The following CNTN5 variants were observed in gnomAD, a reference collection of about 807,000 sequenced individuals.
CNTN5 encodes contactin-5.
Under a neutral mutation model 129.1 loss-of-function variants are expected in CNTN5, and 77 were observed. The ratio of observed to expected loss-of-function variants is 0.60; its 90% CI spans 0.50 to 0.72. CNTN5 has a LOEUF of 0.72. Among genes scored for constraint, CNTN5 ranks in the 30% least tolerant of loss-of-function variants. The pLI is 0.00. For missense variants in CNTN5, 1,478 were observed against 1,328.8 expected (o/e 1.11, Z -1.75); for synonymous variants, 509 against 465.6 (o/e 1.09, Z -1.20).
chr11:99,574,989 G>T (rs1949297908), intron 3 of CNTN5, among the ~76,000 whole-genome samples: 1 of 152,114 alleles, frequency 6.6e-6, no homozygotes, highest in Non-Finnish European at 1.5e-5. Context: ...CTATATACTA[G>T]TTTCAACTTT....
chr11:100,291,914 T>A (rs978483880), intron 18 of CNTN5, among the ~76,000 whole-genome samples: 2 of 151,874 alleles, frequency 1.3e-5, no homozygotes, highest in Non-Finnish European at 2.9e-5. Flanking sequence ...AAAAGGTTTT[T>A]TCTTCTCCCG....
rs147706414 is a variant in CNTN5 at position 99,506,983 on chromosome 11, T to G, written c.-70-49162T>G. 3.1e-3 allele frequency among the ~76,000 whole-genome samples: 466 copies of G among 152,330 alleles called. 2 individuals carry two copies. The highest frequency in any genetic ancestry group is 6.8e-3 in the Middle Eastern group (2 of 292). Reference sequence around the variant, plus strand: ...TTTTATGAAAAAGCAGAATTTGACATCTAACATATGAAATGATCTAAATCA... The same window carrying G: ...TTTTATGAAAAAGCAGAATTTGACAGCTAACATATGAAATGATCTAAATCA... On this transcript the variant is annotated intron_variant, in intron 2 of 24. Coordinates refer to ENST00000524871, the MANE Select transcript of CNTN5 (RefSeq NM_014361.4).
chr11:99,730,683 TACATA>T (rs1229128418), intron 3 of CNTN5, among the ~76,000 whole-genome samples: 1 of 140,956 alleles, frequency 7.1e-6, no homozygotes, highest in African/African-American at 2.5e-5. Flanking sequence ...ATTTTACTAA[TACATA>T]ACATTTCTAC....
At chr11:99,828,130 A>G (rs1018833548) in intron 4 of CNTN5, among the ~76,000 whole-genome samples, 4 of 152,210 alleles carry the variant, frequency 2.6e-5, no homozygotes, top group African/African-American at 9.6e-5. Flanking sequence ...TAATAGTTAT[A>G]TAGATCTTCA....
chr11:99,443,533 C>T (rs908621193), intron 2 of CNTN5, among the ~76,000 whole-genome samples: 2 of 152,166 alleles, frequency 1.3e-5, no homozygotes, highest in African/African-American at 2.4e-5. Context: ...AAAATGCAAA[C>T]TGATGTCACT....
At chr11:99,322,208 T>TC (rs1187073329) in intron 1 of CNTN5, among the ~76,000 whole-genome samples, 1 of 152,098 alleles carries the variant, frequency 6.6e-6, no homozygotes. Context: ...GTGAGGCCTT[T>TC]CCCCCAGCTT....
At chr11:99,866,827 T>C (rs1948369064) in intron 6 of CNTN5, among the ~76,000 whole-genome samples, 1 of 152,232 alleles carries the variant, frequency 6.6e-6, no homozygotes. Context: ...TTGTGGTCAT[T>C]TCTCTTCACT....
At chr11:99,583,766 TGC>T (rs1333855093) in intron 3 of CNTN5, among the ~76,000 whole-genome samples, 1 of 152,200 alleles carries the variant, frequency 6.6e-6, no homozygotes, top group African/African-American at 2.4e-5. Context: ...TGACCCCTTG[TGC>T]TTCCCGGGTG....
chr11:99,865,270 G>A (rs1948324438), intron 6 of CNTN5, among the ~76,000 whole-genome samples: 1 of 151,972 alleles, frequency 6.6e-6, no homozygotes, highest in Non-Finnish European at 1.5e-5. Context: ...ATAAATGTCT[G>A]AAAGTTTGGG....
At chr11:99,246,516 C>G (rs1861823693) in intron 1 of CNTN5, among the ~76,000 whole-genome samples, 1 of 152,126 alleles carries the variant, frequency 6.6e-6, no homozygotes, top group Non-Finnish European at 1.5e-5. Context: ...GTCACAAGTT[C>G]CTAGGTTGCA....
chr11:100,093,467 A>G (rs986532422), intron 13 of CNTN5, among the ~76,000 whole-genome samples: 3 of 151,510 alleles, frequency 2.0e-5, no homozygotes, highest in African/African-American at 7.3e-5. Context: ...AGGTCTTGCT[A>G]TGTTTCTCAA....
chr11:99,934,312 A>G (rs1227962221), intron 7 of CNTN5, among the ~76,000 whole-genome samples: 1 of 152,196 alleles, frequency 6.6e-6, no homozygotes, highest in Admixed American at 6.5e-5. Context: ...GAGTTCAGCT[A>G]TATCTTTACA....
At chr11:99,195,421 T>C (rs1378550556) in intron 1 of CNTN5, among the ~76,000 whole-genome samples, 1 of 152,160 alleles carries the variant, frequency 6.6e-6, no homozygotes, top group Non-Finnish European at 1.5e-5. Flanking sequence ...GCGTCCTCTT[T>C]ATTTTTCAAA....
rs111555597 is a variant in CNTN5, at chr11:99,515,147, A to G, written c.-70-40998A>G. 1.2e-3 allele frequency among the ~76,000 whole-genome samples: 176 copies of G among 152,206 alleles called. 1 individual carries two copies. The highest frequency in any genetic ancestry group is 4.0e-3 in the African/African-American group (168 of 41,562). On this transcript the variant is annotated intron_variant, in intron 2 of 24. Coordinates refer to ENST00000524871, the MANE Select transcript of CNTN5 (RefSeq NM_014361.4). Reference sequence around the variant, plus strand: ...TAAAAGCTCTGTTGGTTCAGTATGTATATTTATACATATTTGTTGAAGAAA... The same window carrying G: ...TAAAAGCTCTGTTGGTTCAGTATGTGTATTTATACATATTTGTTGAAGAAA...
intron 3 of CNTN5, among the ~76,000 whole-genome samples, chr11:99,677,699 GTTTAT>G (rs1953353043): frequency 1.3e-5 from 2 of 151,748 alleles, no homozygotes; most frequent in African/African-American, 2.4e-5. Flanking sequence ...GTTCAAAACT[GTTTAT>G]TTTATTCTAC....
chr11:99,113,354 A>T lies in CNTN5; in HGVS notation c.-210+92084A>T, dbSNP rs537114137. Reference sequence around the variant, plus strand: ...TTATATGAGTTGTCTTGAAAGCAGGACCTAAGTTAACATCTTGAGTGTGGG... The same window carrying T: ...TTATATGAGTTGTCTTGAAAGCAGGTCCTAAGTTAACATCTTGAGTGTGGG... On this transcript the variant is annotated intron_variant, in intron 1 of 24. Transcript: ENST00000524871. Among the ~76,000 whole-genome samples the T allele has an allele frequency of 2.0e-5, 3 of 152,214 alleles. No individual in the cohort carries two copies. The South Asian group carries it at 6.2e-4, about 32-fold the overall frequency.
At chr11:99,873,710 T>C (rs182665729) in intron 6 of CNTN5, among the ~76,000 whole-genome samples, 3 of 152,154 alleles carry the variant, frequency 2.0e-5, no homozygotes, top group South Asian at 2.1e-4. Context: ...CACTACTGGC[T>C]ATCTACTTAA....
At chr11:100,284,406 TAGAC>T (rs755146326) in intron 18 of CNTN5, among the ~76,000 whole-genome samples, 8 of 152,312 alleles carry the variant, frequency 5.3e-5, no homozygotes, top group Admixed American at 2.0e-4. Flanking sequence ...TAAATAAAGA[TAGAC>T]AGCCCTGTGT....
At chr11:99,911,453 C>T (rs995132471) in intron 6 of CNTN5, among the ~76,000 whole-genome samples, 1 of 151,944 alleles carries the variant, frequency 6.6e-6, no homozygotes, top group South Asian at 2.1e-4. Context: ...AAATCAACCA[C>T]AGCGTTTTAC....
Sources: allele counts gnomAD v4.1 joint callset (sites outside exome capture counted in the v4.1 genomes callset), GRCh38; gene constraint gnomAD v4.1.1; transcripts MANE v1.5; gene names NCBI Gene and HGNC (gene_info 2026-07-23, HGNC 2026-07-21).